DYM: variants seen among roughly 807,000 people sequenced by gnomAD.
DYM encodes the protein dyggve-Melchior-Clausen syndrome protein.
Under a neutral mutation model 93.1 loss-of-function variants are expected in DYM, and 78 were observed. The ratio of observed to expected loss-of-function variants is 0.84; its 90% CI spans 0.70 to 1.01. The LOEUF is 1.01. Among genes scored for constraint, DYM ranks in the 50% least tolerant of loss-of-function variants. The probability of loss-of-function intolerance (pLI) is 0.00; values close to 1 mark genes in which losing one functional copy is unlikely to be tolerated. For synonymous variants in DYM, 321 were observed against 319.7 expected, an observed-to-expected ratio of 1.00 and a Z score of -0.04; for missense variants, 789 against 845.0, an observed-to-expected ratio of 0.93 and a Z score of 0.82.
intron 1 of DYM, among the ~76,000 whole-genome samples, chr18:49,458,824 G>A (rs1340702916): frequency 1.3e-5 from 2 of 152,148 alleles, no homozygotes; most frequent in Non-Finnish European, 2.9e-5. Flanking sequence ...GAATGACAGA[G>A]CGAGACTCTG....
Position 49,360,628 on chromosome 18 carries a change from A to T in DYM, c.494+2533T>A, listed in dbSNP as rs1433456326. ...CAGAGTAAGATCCATCTCAAAAAAA[A>T]AAAGAAAAAAAATTGCAGGTGGTGC... is the stretch of plus-strand genomic sequence containing the variant. On this transcript the variant is annotated intron_variant, in intron 6 of 17. Transcript: ENST00000675505. 4.6e-5 allele frequency among the ~76,000 whole-genome samples: 7 copies of T among 152,260 alleles called. No individual in the cohort carries two copies. The East Asian group carries it at 1.2e-3, about 25-fold the overall frequency.
Position 49,129,488 on chromosome 18 carries a change from T to TTGC in DYM, c.1729-10563_1729-10562insGCA, listed in dbSNP as rs532048066. Among the ~76,000 whole-genome samples, 212 of 152,290 alleles carry TTGC rather than the reference T, an allele frequency of 1.4e-3. 1 individual carries two copies. The highest frequency in any genetic ancestry group is 5.0e-3 in the African/African-American group (206 of 41,556). On this transcript the variant is annotated intron_variant, in intron 15 of 17. Coordinates refer to ENST00000675505, the MANE Select transcript of DYM (RefSeq NM_001353214.3). ...TCTAAGGAAAGAAGGAACACAAACA[T>TTGC]TCACCTTTGGCTGAGCATGCAAGGA... is the stretch of plus-strand genomic sequence containing the variant.
intron 17 of DYM, among the ~76,000 whole-genome samples, chr18:49,087,097 A>G (rs1023444003): frequency 1.3e-5 from 2 of 152,184 alleles, no homozygotes; most frequent in East Asian, 1.9e-4. Context: ...TCTATAAACC[A>G]GGAAGCAGTC....
At chr18:49,337,992 G>T (rs1481319418) in intron 6 of DYM, among the ~76,000 whole-genome samples, 11 of 152,146 alleles carry the variant, frequency 7.2e-5, no homozygotes, top group Non-Finnish European at 1.5e-5. Flanking sequence ...GGAGCAAAGG[G>T]ACTCGAACTG....
rs909335307 is a variant in DYM, at chr18:49,430,151, CTAGA to C, written c.140+100_140+103del. On this transcript the variant is annotated intron_variant, in intron 2 of 17. Transcript: ENST00000675505. ...TACTGATCTATGTATGACAGATAGACTAGATAGATAGACAGAACATTTCTAAATT... is the reference window on the plus strand; with the variant it reads ...TACTGATCTATGTATGACAGATAGACTAGATAGACAGAACATTTCTAAATT... 1.4e-5 allele frequency: 15 copies of C among 1,071,016 alleles called. No individual in the cohort carries two copies. In the East Asian group the frequency reaches 2.1e-4, roughly 15 times the overall value. 66.3% of individuals were successfully genotyped at this position (1,071,016 alleles called of 1,614,324 possible).
chr18:49,322,821 A>G (rs948286400), intron 8 of DYM, among the ~76,000 whole-genome samples: 2 of 152,174 alleles, frequency 1.3e-5, no homozygotes, highest in Non-Finnish European at 2.9e-5. Context: ...TATACTTCCA[A>G]GATACCAGTC....
chr18:49,309,571 G>A (rs1408312379), intron 8 of DYM, among the ~76,000 whole-genome samples: 2 of 152,110 alleles, frequency 1.3e-5, no homozygotes, highest in South Asian at 2.1e-4. Flanking sequence ...GGAAGCTGAG[G>A]CTGCAGTGAG....
At chr18:49,075,101 T>G (rs1454385753) in intron 17 of DYM, among the ~76,000 whole-genome samples, 2 of 152,188 alleles carry the variant, frequency 1.3e-5, no homozygotes, top group African/African-American at 4.8e-5. Context: ...CACCTGTGTC[T>G]CCTTGCTGAA....
rs530440554 is a variant in DYM, at chr18:49,059,592, G to A, written c.2026-15388C>T. Among the ~76,000 whole-genome samples the A allele has an allele frequency of 9.2e-5, 14 of 152,198 alleles. No homozygotes were observed. In the South Asian group the frequency reaches 2.5e-3, roughly 27 times the overall value. ...CCTTAGCTGTTTTCCTGGCTGTTCC[G>A]GAAGTCAGGCCTGTAGCAAGGGGCT... On this transcript the variant is annotated intron_variant, in intron 17 of 17. Transcript: ENST00000675505.
At chr18:49,154,330 T>C (rs555497491) in intron 15 of DYM, among the ~76,000 whole-genome samples, 2 of 152,314 alleles carry the variant, frequency 1.3e-5, no homozygotes, top group East Asian at 3.9e-4. Flanking sequence ...TTTATTTTGA[T>C]AAATGTTACA....
intron 17 of DYM, among the ~76,000 whole-genome samples, chr18:49,086,185 A>T (rs568813814): frequency 1.2e-4 from 18 of 152,204 alleles, no homozygotes; most frequent in Non-Finnish European, 2.4e-4. Flanking sequence ...TTATTTTAAG[A>T]AAGGAATTTC....
At chr18:49,110,478 G>A (rs535994330) in intron 16 of DYM, among the ~76,000 whole-genome samples, 1 of 152,046 alleles carries the variant, frequency 6.6e-6, no homozygotes, top group East Asian at 1.9e-4. Context: ...ACATTTTTGA[G>A]GGTAAGATTT....
At chr18:49,275,744 T>C (rs1299600361) in intron 10 of DYM, among the ~76,000 whole-genome samples, 2 of 152,136 alleles carry the variant, frequency 1.3e-5, no homozygotes, top group Non-Finnish European at 2.9e-5. Context: ...AATCAATGAA[T>C]ATGTGTTTCC....
At chr18:49,386,891 A>C (rs2068676845) in intron 3 of DYM, among the ~76,000 whole-genome samples, 1 of 151,634 alleles carries the variant, frequency 6.6e-6, no homozygotes, top group Non-Finnish European at 1.5e-5. Flanking sequence ...TGCTCACTTC[A>C]TGTCTCTGCA....
chr18:49,344,158 G>T (rs1420209609), intron 6 of DYM, among the ~76,000 whole-genome samples: 1 of 152,090 alleles, frequency 6.6e-6, no homozygotes, highest in Non-Finnish European at 1.5e-5. Context: ...CCAAATTTGG[G>T]TTCTACATAT....
chr18:49,126,606 T>C (rs2082858423), intron 15 of DYM: 1 of 152,180 alleles, frequency 6.6e-6, no homozygotes, highest in Non-Finnish European at 1.5e-5. Flanking sequence ...TAAAATGTTA[T>C]CTAATCTCAT....
intron 10 of DYM, among the ~76,000 whole-genome samples, chr18:49,277,020 A>G (rs1451794736): frequency 6.6e-6 from 1 of 152,200 alleles, no homozygotes; most frequent in East Asian, 1.9e-4. Flanking sequence ...GAGACAGAGG[A>G]GTCAAAGCTT....
Position 49,209,615 on chromosome 18 carries a change from T to G in DYM, c.1561A>C (p.Ser521Arg), listed in dbSNP as rs756446869. ...STLQHCFSTLSDNGEELLSLT... is the reference protein window; with the variant it reads ...STLQHCFSTLRDNGEELLSLT... ...GACAAGAGTTCCTCTCCATTGTCAC[T>G]GAGGGTCGAGAAGCAATGCTGAAGC... is the stretch of plus-strand genomic sequence containing the variant. Residue 521 changes from serine (S) to arginine (R), a missense_variant, in exon 14 of 18, where the codon AGT becomes CGT. Physicochemically the swap from Ser to Arg is moderately radical, Grantham distance 110. Transcript: ENST00000675505. 74 of 1,289,724 alleles carry G rather than the reference T, an allele frequency of 5.7e-5. No individual in the cohort carries two copies. In the South Asian group the frequency reaches 9.0e-4, roughly 16 times the overall value. 79.9% of individuals were successfully genotyped at this position (1,289,724 alleles called of 1,614,324 possible).
intron 3 of DYM, among the ~76,000 whole-genome samples, chr18:49,384,523 G>A: frequency 6.6e-6 from 1 of 151,538 alleles, no homozygotes; most frequent in Non-Finnish European, 1.5e-5. Flanking sequence ...CTATTTGGGA[G>A]GCTGAGGTGG....
Sources: gnomAD v4.1 joint callset for allele counts (sites outside exome capture counted in the v4.1 genomes callset) on GRCh38, gnomAD v4.1.1 for gene constraint, MANE v1.5 for transcripts, NCBI Gene and HGNC (gene_info 2026-07-23, HGNC 2026-07-21) for gene names.